Variants in CAMTA1 observed in about 807,000 individuals in gnomAD.
CAMTA1 encodes calmodulin binding transcription activator 1.
A neutral mutation model predicts 170.9 loss-of-function variants in CAMTA1; 27 were observed. That is an observed-to-expected ratio of 0.16 (90% CI 0.12 to 0.22). The LOEUF is 0.22. Ranked by LOEUF, CAMTA1 falls within the 10% of genes least tolerant of loss-of-function variation. The probability of loss-of-function intolerance (pLI) is 1.00; values close to 1 mark genes in which losing one functional copy is unlikely to be tolerated. For synonymous variants in CAMTA1, 833 were observed against 891.5 expected (o/e 0.93, Z 1.17); for missense variants, 1,619 against 2,217.2 (o/e 0.73, Z 5.42).
At chr1:7,679,006 C>A (rs1429165879) in intron 11 of CAMTA1, among the ~76,000 whole-genome samples, 1 of 152,214 alleles carries the variant, frequency 6.6e-6, no homozygotes, top group African/African-American at 2.4e-5. Context: ...GGCTGGTGAA[C>A]CCTCAGGAGA....
chr1:6,823,279 C>T lies in CAMTA1; in HGVS notation c.116-1813C>T, dbSNP rs537725193. ...GAACCTCCCTCGGGAGGATGAAGTG[C>T]AGGGAGCATAAGCACATAAGATTAC... is the stretch of plus-strand genomic sequence containing the variant. On this transcript the variant is annotated intron_variant, in intron 2 of 22. Transcript: ENST00000303635. Among the ~76,000 whole-genome samples, 129 of 152,170 alleles carry T rather than the reference C, an allele frequency of 8.5e-4. 1 individual carries two copies. The highest frequency in any genetic ancestry group is 3.0e-3 in the African/African-American group (126 of 41,510).
chr1:7,440,061 G>A (rs937311807), intron 5 of CAMTA1, among the ~76,000 whole-genome samples: 1 of 152,248 alleles, frequency 6.6e-6, no homozygotes, highest in African/African-American at 2.4e-5. Flanking sequence ...ACCCGCACTG[G>A]GCATCCCATG....
chr1:7,534,109 G>T lies in CAMTA1; in HGVS notation c.510+66208G>T, dbSNP rs554571585. ...GACTCCTGAGGCCCCTCCCATCACC[G>T]GTCACCCCGCCCGCCAGGCCCCTGG... On this transcript the variant is annotated intron_variant, in intron 6 of 22. Transcript: ENST00000303635. This position sits in a 1 kb window ranked among gnomAD's most constrained non-coding sequence, Gnocchi z 5.6. Among the ~76,000 whole-genome samples, 1 of 152,158 alleles carries T rather than the reference G, an allele frequency of 6.6e-6. No homozygotes were observed. Among genetic ancestry groups the T allele is most frequent in the South Asian group, 2.1e-4 (1 of 4,816 alleles).
intron 3 of CAMTA1, among the ~76,000 whole-genome samples, chr1:6,912,500 C>G (rs1198217766): frequency 1.3e-5 from 2 of 152,214 alleles, no homozygotes; most frequent in Non-Finnish European, 2.9e-5. Flanking sequence ...ACATAAAGAG[C>G]CCCGGGGAAT....
intron 6 of CAMTA1, among the ~76,000 whole-genome samples, chr1:7,523,494 T>G (rs754923900): frequency 6.6e-6 from 1 of 152,188 alleles, no homozygotes; most frequent in Non-Finnish European, 1.5e-5. Context: ...ATGTGTCTCT[T>G]CATGTACTAG....
chr1:7,138,457 T>C (rs1226543960), intron 4 of CAMTA1, among the ~76,000 whole-genome samples: 3 of 152,350 alleles, frequency 2.0e-5, no homozygotes, highest in Admixed American at 6.5e-5. Flanking sequence ...TGCATTTTTA[T>C]GGATAATTAG....
rs764310445 is a variant in CAMTA1 at position 7,737,948 on chromosome 1, G to A, written c.3659-11G>A. ...TCCTGTCCTGACTATCCTTTCTACT[G>A]TACTTTTCAGAGCTGAGAAGACCTC... On this transcript the variant is annotated splice_polypyrimidine_tract_variant and intron_variant, in intron 15 of 22. Coordinates refer to ENST00000303635, the MANE Select transcript of CAMTA1 (RefSeq NM_015215.4). 3.8e-6 allele frequency: 6 copies of A among 1,590,212 alleles called. No individual in the cohort carries two copies. In the Admixed American group the frequency reaches 8.6e-5, roughly 23 times the overall value.
intron 5 of CAMTA1, among the ~76,000 whole-genome samples, chr1:7,427,767 G>A (rs2091939683): frequency 6.6e-6 from 1 of 152,208 alleles, no homozygotes; most frequent in East Asian, 1.9e-4. Flanking sequence ...CAGGGACGAG[G>A]CGCAATCCCA....
intron 6 of CAMTA1, among the ~76,000 whole-genome samples, chr1:7,583,926 G>T (rs1171695160): frequency 6.6e-6 from 1 of 152,140 alleles, no homozygotes; most frequent in Non-Finnish European, 1.5e-5. Flanking sequence ...TGGGCTCTGG[G>T]AAGCTCCCCT....
rs906589442 is a variant in CAMTA1 at position 7,722,921 on chromosome 1, T to TA, written c.2915-9518dup. 2.4e-3 allele frequency among the ~76,000 whole-genome samples: 364 copies of TA among 150,866 alleles called. 1 individual carries two copies. Among genetic ancestry groups the TA allele is most frequent in the African/African-American group, 7.9e-3 (325 of 41,170 alleles). ...GGGCAACATAGCAAGACCGCAGCTC[T>TA]AAAAAAAAATACCCTCAGAAGGCTC... On this transcript the variant is annotated intron_variant, in intron 11 of 22. Transcript: ENST00000303635.
At position 6,968,586 on chromosome 1, in the gene CAMTA1, A is replaced by G. The variant is rs368678378; in HGVS notation, c.235-122718A>G. On this transcript the variant is annotated intron_variant, in intron 3 of 22. Transcript: ENST00000303635. ...GTTAGGGTAGGAGAGACAAGCAGGC[A>G]GTAGTTAGGATTGTGATCGATGTGT... is the stretch of plus-strand genomic sequence containing the variant. Among the ~76,000 whole-genome samples, 20 of 152,262 alleles carry G rather than the reference A, an allele frequency of 1.3e-4. 1 individual carries two copies. Among genetic ancestry groups the G allele is most frequent in the African/African-American group, 3.4e-4 (14 of 41,564 alleles).
At chr1:7,166,558 A>G (rs1437715602) in intron 4 of CAMTA1, among the ~76,000 whole-genome samples, 1 of 152,096 alleles carries the variant, frequency 6.6e-6, no homozygotes, top group Non-Finnish European at 1.5e-5. Context: ...TCCTTGCTAC[A>G]GTGAGGCTGA....
chr1:7,657,173 G>A (rs2095911352), intron 7 of CAMTA1, among the ~76,000 whole-genome samples: 1 of 152,224 alleles, frequency 6.6e-6, no homozygotes, highest in Admixed American at 6.5e-5. Flanking sequence ...CCATGCTGGG[G>A]TCTGGCTTAT....
chr1:6,821,483 T>C, intron 2 of CAMTA1, among the ~76,000 whole-genome samples: 1 of 152,166 alleles, frequency 6.6e-6, no homozygotes. Flanking sequence ...GAGCTTCCTT[T>C]TGATTTTACT....
At chr1:7,106,213 A>G (rs568929199) in intron 4 of CAMTA1, among the ~76,000 whole-genome samples, 10 of 152,024 alleles carry the variant, frequency 6.6e-5, no homozygotes, top group African/African-American at 2.2e-4. Context: ...AACAACCTGC[A>G]AAGTAGGTAA....
intron 3 of CAMTA1, among the ~76,000 whole-genome samples, chr1:7,037,833 A>G (rs556843945): frequency 1.4e-5 from 2 of 146,442 alleles, no homozygotes; most frequent in African/African-American, 5.5e-5. Flanking sequence ...GCGAGACTCC[A>G]TATCAAAAAA....
chr1:6,891,263 C>T (rs1674442838), intron 3 of CAMTA1, among the ~76,000 whole-genome samples: 1 of 152,194 alleles, frequency 6.6e-6, no homozygotes, highest in Non-Finnish European at 1.5e-5. Context: ...GCAATCCCCA[C>T]TTTTATACTG....
rs1227266735 is a variant in CAMTA1, at chr1:7,493,076, CAT to C, written c.510+25177_510+25178del. 6.9e-5 allele frequency among the ~76,000 whole-genome samples: 9 copies of C among 130,520 alleles called. 1 individual carries two copies. Among genetic ancestry groups the C allele is most frequent in the East Asian group, 2.6e-4 (1 of 3,788 alleles). 85.6% of individuals were successfully genotyped at this position (130,520 alleles called of 152,430 possible). A position where few individuals can be genotyped will look rare whatever the true frequency, so the allele number is the denominator to read the frequency against. On this transcript the variant is annotated intron_variant, in intron 6 of 22. Transcript: ENST00000303635. ...ATACACACGCGCGCACACACACAGA[CAT>C]ACAAACGTGAGCACACAACACAAAC...
chr1:7,428,744 C>A (rs990203909), intron 5 of CAMTA1, among the ~76,000 whole-genome samples: 4 of 152,096 alleles, frequency 2.6e-5, no homozygotes, highest in African/African-American at 9.7e-5. Context: ...CACCCCACCA[C>A]CCCTGTGCCT....
Sources: gnomAD v4.1 joint callset for allele counts (sites outside exome capture counted in the v4.1 genomes callset) on GRCh38, gnomAD v4.1.1 for gene constraint, Gnocchi (gnomAD v3.1) non-coding constraint, MANE v1.5 for transcripts, NCBI Gene and HGNC (gene_info 2026-07-23, HGNC 2026-07-21) for gene names.